Variants in USP53 observed in about 807,000 individuals in gnomAD.
USP53 encodes the protein ubiquitin carboxyl-terminal hydrolase 53.
A neutral mutation model predicts 94.9 loss-of-function variants in USP53; 71 were observed. The ratio of observed to expected loss-of-function variants is 0.75; its 90% confidence interval spans 0.62 to 0.91. The LOEUF (loss-of-function observed/expected upper bound fraction) is 0.91, where lower values mean the gene tolerates loss of function less well. Ranked by LOEUF, USP53 falls within the 40% of genes least tolerant of loss-of-function variation. The pLI is 0.00. For missense variants in USP53, 1,173 were observed against 1,281.0 expected (o/e 0.92, Z 1.29); for synonymous variants, 375 against 422.7 (o/e 0.89, Z 1.39).
At chr4:119,276,304 A>G (rs922409275) in intron 17 of USP53, among the ~76,000 whole-genome samples, 4 of 150,488 alleles carry the variant, frequency 2.7e-5, no homozygotes, top group African/African-American at 9.7e-5. Flanking sequence ...AGTTTTTAGC[A>G]TGAAGCATTG....
At chr4:119,288,887 G>A (rs1190147757) in intron 17 of USP53, among the ~76,000 whole-genome samples, 10 of 147,222 alleles carry the variant, frequency 6.8e-5, no homozygotes, top group Admixed American at 2.8e-4. Flanking sequence ...GCAGTGAGCC[G>A]AGATCGTGCC....
intron 9 of USP53, among the ~76,000 whole-genome samples, chr4:119,258,113 AAC>A (rs1179398182): frequency 3.9e-5 from 6 of 152,196 alleles, no homozygotes; most frequent in African/African-American, 1.4e-4. Context: ...TTTTAATCTT[AAC>A]CAAAATTCTA....
At chr4:119,225,337 T>G (rs1745095947) in intron 3 of USP53, among the ~76,000 whole-genome samples, 1 of 152,194 alleles carries the variant, frequency 6.6e-6, no homozygotes, top group East Asian at 1.9e-4. Flanking sequence ...GCCCAGATAG[T>G]GCTACTGATG....
At chr4:119,251,551 A>G (rs1287731932) in intron 7 of USP53, among the ~76,000 whole-genome samples, 1 of 152,042 alleles carries the variant, frequency 6.6e-6, no homozygotes, top group Non-Finnish European at 1.5e-5. Flanking sequence ...TTTTTCTGCA[A>G]CCTCTCCAGC....
chr4:119,267,520 T>C (rs1751303030), intron 13 of USP53, 38 bp downstream of exon 13: 2 of 1,582,092 alleles, frequency 1.3e-6, no homozygotes, highest in African/African-American at 2.7e-5. Context: ...TGTTTTTCTA[T>C]TATCACAGTC....
chr4:119,258,714 A>G (rs1750085198), intron 9 of USP53, among the ~76,000 whole-genome samples: 1 of 152,168 alleles, frequency 6.6e-6, no homozygotes, highest in African/African-American at 2.4e-5. Flanking sequence ...TCCTTATGAA[A>G]CCATCAGATC....
chr4:119,230,386 A>G (rs1158554318), intron 3 of USP53, among the ~76,000 whole-genome samples: 1 of 152,174 alleles, frequency 6.6e-6, no homozygotes, highest in Non-Finnish European at 1.5e-5. Flanking sequence ...GAGAGTGGCT[A>G]TAAACACTAC....
At chr4:119,264,719 T>C (rs796102139) in intron 12 of USP53, among the ~76,000 whole-genome samples, 2 of 152,180 alleles carry the variant, frequency 1.3e-5, no homozygotes, top group South Asian at 2.1e-4. Flanking sequence ...TCACACAAGG[T>C]TGATGGAACC....
chr4:119,265,158 G>A (rs1750955112), intron 12 of USP53, among the ~76,000 whole-genome samples: 1 of 152,062 alleles, frequency 6.6e-6, no homozygotes, highest in African/African-American at 2.4e-5. Context: ...TAAGATTTTG[G>A]GGTGAGGATT....
At chr4:119,245,486 T>G (rs1278412866) in intron 6 of USP53, 57 bp downstream of exon 6, 1 of 1,484,488 alleles carries the variant, frequency 6.7e-7, no homozygotes, top group Non-Finnish European at 9.4e-7. Context: ...AAAATTTAAG[T>G]TTGATATATT....
intron 17 of USP53, among the ~76,000 whole-genome samples, chr4:119,279,690 C>A (rs899030489): frequency 6.6e-6 from 1 of 152,154 alleles, no homozygotes; most frequent in African/African-American, 2.4e-5. Context: ...GCGGGCGCCC[C>A]TCCCCCAGCC....
At chr4:119,218,539 GT>G (rs1349959156) in intron 3 of USP53, 1 of 152,004 alleles carries the variant, frequency 6.6e-6, no homozygotes, top group Non-Finnish European at 1.5e-5. Context: ...CTGTTTTTTT[GT>G]TGGCAGTATT....
intron 15 of USP53, 57 bp from the exon 16 acceptor site, chr4:119,271,239 G>T: frequency 1.3e-6 from 2 of 1,501,244 alleles, no homozygotes; most frequent in East Asian, 2.3e-5. Flanking sequence ...TTTGCCTTGT[G>T]ACTACAAGGT....
Position 119,245,215 on chromosome 4 carries a change from C to T in USP53, c.145-122C>T, listed in dbSNP as rs1395828706. On this transcript the variant is annotated intron_variant, in intron 5 of 18. Transcript: ENST00000692078. ...GTGGTTATGTGTGTCTGATTATGTA[C>T]AGGCAATTAAAAGAAGTTACTTGTT... 6 of 763,950 alleles carry T rather than the reference C, an allele frequency of 7.9e-6. No individual in the cohort carries two copies. The East Asian group carries it at 1.3e-4, about 17-fold the overall frequency. 47.3% of individuals were successfully genotyped at this position (763,950 alleles called of 1,614,324 possible). A position where few individuals can be genotyped will look rare whatever the true frequency, so the allele number is the denominator to read the frequency against.
At chr4:119,214,542 G>A (rs1743448453) in intron 2 of USP53, among the ~76,000 whole-genome samples, 1 of 150,934 alleles carries the variant, frequency 6.6e-6, no homozygotes. Context: ...ACTAAACAAT[G>A]CATAAGATAG....
rs1751293897 is a variant in USP53, at chr4:119,267,479, ATGGGT to A, written c.1133_1135+2del. 6.2e-7 allele frequency: 1 copy of A among 1,607,446 alleles called. No individual in the cohort carries two copies. The highest frequency in any genetic ancestry group is 2.2e-5 in the East Asian group (1 of 44,744). On this transcript the variant is annotated splice_donor_variant and coding_sequence_variant, in exon 13 of 19. Coordinates refer to ENST00000692078, the MANE Select transcript of USP53 (RefSeq NM_001371395.1). LOFTEE classifies it high-confidence loss of function. ...ACATTACAAATCTGTTGCAGAAAAT[ATGGGT>A]AATTCTTTCTTTTAAAAATTCTCAA...
intron 3 of USP53, among the ~76,000 whole-genome samples, chr4:119,226,270 C>T (rs1745239490): frequency 6.6e-6 from 1 of 152,214 alleles, no homozygotes; most frequent in Non-Finnish European, 1.5e-5. Context: ...ATTAGTATTT[C>T]TGTTCTTACT....
At chr4:119,285,167 CAG>C (rs1409572462) in intron 17 of USP53, among the ~76,000 whole-genome samples, 3 of 151,644 alleles carry the variant, frequency 2.0e-5, no homozygotes, top group Non-Finnish European at 3.0e-5. Context: ...AAGGTAAAGA[CAG>C]AATTTGAATG....
chr4:119,242,194 T>C (rs967173753), intron 5 of USP53, among the ~76,000 whole-genome samples: 5 of 152,202 alleles, frequency 3.3e-5, no homozygotes, highest in African/African-American at 4.8e-5. Flanking sequence ...TGGGTACATT[T>C]CAGTTACTTT....
Sources: allele counts gnomAD v4.1 joint callset (sites outside exome capture counted in the v4.1 genomes callset), GRCh38; gene constraint gnomAD v4.1.1; transcripts MANE v1.5; gene names NCBI Gene and HGNC (gene_info 2026-07-23, HGNC 2026-07-21).